The following PTPRD variants were observed in gnomAD, a reference collection of about 807,000 sequenced individuals.
PTPRD encodes the protein receptor-type tyrosine-protein phosphatase delta.
Under a neutral mutation model 214.5 loss-of-function variants are expected in PTPRD, and 34 were observed. That is an observed-to-expected ratio of 0.16 (90% CI 0.12 to 0.21). The LOEUF is 0.21. PTPRD is among the 10% of genes least tolerant of loss of function. PTPRD has a pLI of 1.00. For missense variants in PTPRD, 2,545 were observed against 2,398.7 expected (o/e 1.06, Z -1.27); for synonymous variants, 1,128 against 845.7 (o/e 1.33, Z -5.79).
intron 3 of PTPRD, among the ~76,000 whole-genome samples, chr9:10,329,611 C>T (rs1375852491): frequency 6.6e-6 from 1 of 151,664 alleles, no homozygotes; most frequent in African/African-American, 2.4e-5. Flanking sequence ...GTGGTTAAGC[C>T]ATTTTATACA....
intron 9 of PTPRD, among the ~76,000 whole-genome samples, chr9:9,350,196 C>A (rs2050572679): frequency 6.6e-6 from 1 of 152,046 alleles, no homozygotes; most frequent in Non-Finnish European, 1.5e-5. Context: ...CTCTCCTGAA[C>A]AAGCAGTTAA....
intron 3 of PTPRD, among the ~76,000 whole-genome samples, chr9:10,222,509 C>T (rs1000038995): frequency 1.3e-5 from 2 of 152,058 alleles, no homozygotes; most frequent in African/African-American, 4.8e-5. Context: ...CCATATTATG[C>T]AGTGACTTAA....
At chr9:8,352,283 T>C (rs766901786) in intron 39 of PTPRD, among the ~76,000 whole-genome samples, 1 of 152,142 alleles carries the variant, frequency 6.6e-6, no homozygotes, top group Non-Finnish European at 1.5e-5. Context: ...TACAGATGGA[T>C]AGAACAGGCC....
At chr9:9,512,311 T>G (rs185527727) in intron 8 of PTPRD, among the ~76,000 whole-genome samples, 4 of 151,956 alleles carry the variant, frequency 2.6e-5, no homozygotes, top group Admixed American at 2.6e-4. Flanking sequence ...TTATTTCTAT[T>G]TTTCTGGGTA....
At chr9:9,808,562 A>G (rs2046150726) in intron 5 of PTPRD, among the ~76,000 whole-genome samples, 1 of 152,142 alleles carries the variant, frequency 6.6e-6, no homozygotes, top group South Asian at 2.1e-4. Context: ...CTTTATCTAT[A>G]TAATAAGACC....
intron 4 of PTPRD, among the ~76,000 whole-genome samples, chr9:10,031,681 C>CACACAT (rs1555495089): frequency 7.5e-6 from 1 of 133,868 alleles, no homozygotes; most frequent in Admixed American, 7.6e-5. Context: ...CACACACACA[C>CACACAT]ATATCCTATT....
chr9:8,524,568 G>T (rs1305775634), intron 18 of PTPRD, among the ~76,000 whole-genome samples: 3 of 151,570 alleles, frequency 2.0e-5, no homozygotes, highest in Non-Finnish European at 4.4e-5. Flanking sequence ...TTATTTCAGG[G>T]GTTTAATAAG....
intron 12 of PTPRD, among the ~76,000 whole-genome samples, chr9:8,667,669 A>C (rs2097196793): frequency 6.6e-6 from 1 of 152,152 alleles, no homozygotes; most frequent in South Asian, 2.1e-4. Context: ...ATATAAATGA[A>C]AGGTAAATAT....
intron 26 of PTPRD, 115 bp from the exon 27 acceptor site, chr9:8,493,094 C>G: frequency 1.2e-6 from 1 of 829,838 alleles, no homozygotes; most frequent in Non-Finnish European, 2.0e-6. Context: ...TGCAGCCATG[C>G]TAAGCCCTGG....
intron 6 of PTPRD, among the ~76,000 whole-genome samples, chr9:9,739,943 AAATAT>A (rs1248079769): frequency 6.6e-6 from 1 of 152,128 alleles, no homozygotes; most frequent in Non-Finnish European, 1.5e-5. Context: ...GAAATTCCAA[AAATAT>A]AAATATCTAT....
At chr9:8,497,368 A>C (rs2097299993) in intron 25 of PTPRD, 100 bp from the exon 26 acceptor site, 1 of 987,968 alleles carries the variant, frequency 1.0e-6, no homozygotes, top group Non-Finnish European at 1.4e-6. Context: ...TAAAAAAATC[A>C]AAAAAATAAA....
chr9:10,201,379 ATTG>A (rs1352300690), intron 3 of PTPRD, among the ~76,000 whole-genome samples: 2 of 152,118 alleles, frequency 1.3e-5, no homozygotes, highest in Non-Finnish European at 2.9e-5. Flanking sequence ...CCAAATGTAA[ATTG>A]GCATACTTAA....
At chr9:9,112,930 T>C (rs375951941) in intron 10 of PTPRD, among the ~76,000 whole-genome samples, 8 of 151,854 alleles carry the variant, frequency 5.3e-5, no homozygotes, top group African/African-American at 1.9e-4. Context: ...AAGATCACAA[T>C]AGGACAAACT....
chr9:9,107,006 T>G (rs766956939), intron 10 of PTPRD, among the ~76,000 whole-genome samples: 35 of 152,178 alleles, frequency 2.3e-4, no homozygotes, highest in Non-Finnish European at 4.1e-4. Context: ...GCCCACTTTC[T>G]AAAAGTATGC....
At chr9:9,422,525 G>A (rs762777669) in intron 8 of PTPRD, among the ~76,000 whole-genome samples, 5 of 152,080 alleles carry the variant, frequency 3.3e-5, no homozygotes, top group Non-Finnish European at 7.4e-5. Flanking sequence ...GATCCCGGAA[G>A]GACGGTAAAT....
At chr9:8,862,502 T>C (rs2098125063) in intron 11 of PTPRD, among the ~76,000 whole-genome samples, 1 of 152,192 alleles carries the variant, frequency 6.6e-6, no homozygotes, top group Admixed American at 6.5e-5. Flanking sequence ...TGCTTAGGTG[T>C]CATTACTCCC....
At chr9:10,116,049 G>A (rs1484454039) in intron 3 of PTPRD, among the ~76,000 whole-genome samples, 1 of 152,060 alleles carries the variant, frequency 6.6e-6, no homozygotes, top group African/African-American at 2.4e-5. Flanking sequence ...AACAAAATCT[G>A]CCTGTCTTCA....
At chr9:10,461,257 G>A (rs1284740098) in intron 2 of PTPRD, among the ~76,000 whole-genome samples, 1 of 151,518 alleles carries the variant, frequency 6.6e-6, no homozygotes, top group African/African-American at 2.4e-5. Context: ...GTAAGAATGG[G>A]GGAAAAAAGG....
At chr9:9,947,612 ATATATATATTTTAAATATATATTT>A (rs1455219332) in intron 4 of PTPRD, among the ~76,000 whole-genome samples, 1 of 69,550 alleles carries the variant, frequency 1.4e-5, no homozygotes, top group African/African-American at 5.7e-5. Context: ...TATATTTTAT[ATATATATATTTTAAATATATATTT>A]TATATATATA....
Sources: gnomAD v4.1 joint callset for allele counts (sites outside exome capture counted in the v4.1 genomes callset) on GRCh38, gnomAD v4.1.1 for gene constraint, MANE v1.5 for transcripts, NCBI Gene and HGNC (gene_info 2026-07-23, HGNC 2026-07-21) for gene names.